The following TGIF1 variants were observed in gnomAD, a reference collection of about 807,000 sequenced individuals.
TGIF1 encodes homeobox protein TGIF1.
Under a neutral mutation model 19.3 loss-of-function variants are expected in TGIF1, and 4 were observed. The ratio of observed to expected loss-of-function variants is 0.21; its 90% CI spans 0.10 to 0.47. TGIF1 has a LOEUF of 0.47. Among genes scored for constraint, TGIF1 ranks in the 20% least tolerant of loss-of-function variants. TGIF1 has a pLI of 0.98. For missense variants in TGIF1, 275 were observed against 341.4 expected, an observed-to-expected ratio of 0.81 and a Z score of 1.53; for synonymous variants, 122 against 129.3, an observed-to-expected ratio of 0.94 and a Z score of 0.38.
chr18:3,445,723 CAAAAAAA>C (rs141550400), upstream of TGIF1, among the ~76,000 whole-genome samples: 17 of 17,692 alleles, frequency 9.6e-4, no homozygotes, highest in Admixed American at 1.4e-3. Flanking sequence ...GACTCTGTCT[CAAAAAAA>C]AAAAAAAAAA....
At chr18:3,413,129 C>T (rs1163258322) in intron 1 of TGIF1, 1 of 152,114 alleles carries the variant, frequency 6.6e-6, no homozygotes, top group African/African-American at 2.4e-5. Flanking sequence ...CAAATACATC[C>T]GGATTATTAA....
At chr18:3,430,088 A>AG (rs1568033912) in intron 2 of TGIF1, among the ~76,000 whole-genome samples, 1 of 152,198 alleles carries the variant, frequency 6.6e-6, no homozygotes, top group Non-Finnish European at 1.5e-5. Context: ...ATTGGGAGGC[A>AG]GGGGTTGCAG....
Position 3,450,212 on chromosome 18 carries a change from C to A in TGIF1, c.-278C>A. The A allele has an allele frequency of 7.2e-7, 1 of 1,398,094 alleles. No homozygotes were observed. The highest frequency in any genetic ancestry group is 9.3e-7 in the Non-Finnish European group (1 of 1,078,100). The allele number at this position is 1,398,094 out of a possible 1,614,324, so 86.6% of individuals were successfully genotyped here. A position where few individuals can be genotyped will look rare whatever the true frequency, so the allele number is the denominator to read the frequency against. On this transcript the variant is annotated 5_prime_UTR_variant, in exon 1 of 3. Transcript: ENST00000343820. The stretch of plus-strand genomic sequence containing the variant: ...AGGTGCGCCGAGCAGGAGCAGGGAA[C>A]AAAGGAGCGGAGAGGGGAGGGGAGA...
In TGIF1 at chr18:3,456,157, G is replaced by C. The variant is rs1194022923; in HGVS notation, c.17-197G>C. Reference sequence around the variant, plus strand: ...GGCTGAGAAAAGGCATCTGGCATTTGGTTGAGAGCCTCCTATGTGGTGCTA... The same window carrying C: ...GGCTGAGAAAAGGCATCTGGCATTTCGTTGAGAGCCTCCTATGTGGTGCTA... On this transcript the variant is annotated intron_variant, in intron 1 of 2. Transcript: ENST00000343820. The surrounding 1 kb of genome is among the most constrained non-coding windows in gnomAD (Gnocchi z 4.2). The C allele has an allele frequency of 1.5e-6, 1 of 669,592 alleles. No individual in the cohort carries two copies. The highest frequency in any genetic ancestry group is 2.7e-6 in the Non-Finnish European group (1 of 372,502). The allele number at this position is 669,592 out of a possible 1,614,324, so 41.5% of individuals were successfully genotyped here.
Position 3,456,924 on chromosome 18 carries a change from C to T in TGIF1, c.243+344C>T. On this transcript the variant is annotated intron_variant, in intron 2 of 2. Coordinates refer to ENST00000343820, the MANE Select transcript of TGIF1 (RefSeq NM_003244.4). This position sits in a 1 kb window ranked among gnomAD's most constrained non-coding sequence, Gnocchi z 4.2. The stretch of plus-strand genomic sequence containing the variant: ...AGGTAATTCATGTTATGTCTGTTGA[C>T]ACAGTCATTTGAACTGGGAAAAATC... 1.7e-6 allele frequency: 1 copy of T among 592,544 alleles called. No homozygotes were observed. 36.7% of individuals were successfully genotyped at this position (592,544 alleles called of 1,614,324 possible). A position where few individuals can be genotyped will look rare whatever the true frequency, so the allele number is the denominator to read the frequency against.
At position 3,450,412 on chromosome 18, in the gene TGIF1, G is replaced by A. The variant is rs2082867428; in HGVS notation, c.-78G>A. ...CGGGAGAGTCGGCTGTGAAGGAGAC[G>A]TTCGCTTATCCCCTGTGTCCCCGCT... On this transcript the variant is annotated 5_prime_UTR_variant, in exon 1 of 3. Transcript: ENST00000343820. 4.5e-6 allele frequency: 7 copies of A among 1,549,958 alleles called. No individual in the cohort carries two copies. Among genetic ancestry groups the A allele is most frequent in the Non-Finnish European group, 8.7e-7 (1 of 1,146,380 alleles).
At chr18:3,414,392 C>T (rs886271795) in intron 1 of TGIF1, among the ~76,000 whole-genome samples, 3 of 152,196 alleles carry the variant, frequency 2.0e-5, no homozygotes, top group African/African-American at 7.2e-5. Context: ...CTTATTATAG[C>T]ATGTTCCAGG....
intron 2 of TGIF1, among the ~76,000 whole-genome samples, chr18:3,435,467 G>A (rs3862163): frequency 0.51 from 77,603 of 151,998 alleles, 21,336 homozygotes; most frequent in East Asian, 0.91. Context: ...CAAAGTGCTA[G>A]GATTACAGGT....
chr18:3,448,719 T>G (rs1166439354), upstream of TGIF1: 1 of 63,232 alleles, frequency 1.6e-5, no homozygotes, highest in Non-Finnish European at 2.5e-5. Context: ...GGGGGTGTCT[T>G]TTTTTTTTTT....
Position 3,451,504 on chromosome 18 carries a change from G to T in TGIF1, c.16+999G>T, listed in dbSNP as rs1378459578. On this transcript the variant is annotated intron_variant, in intron 1 of 2. Transcript: ENST00000343820. The surrounding 1 kb of genome is among the most constrained non-coding windows in gnomAD (Gnocchi z 5.4). Reference sequence around the variant, plus strand: ...TTTCTGTCGTGATTTATGTGGAGTGGTTCAAAACAGAAGTTAATCACTCGG... The same window carrying T: ...TTTCTGTCGTGATTTATGTGGAGTGTTTCAAAACAGAAGTTAATCACTCGG... 3.0e-6 allele frequency: 3 copies of T among 993,152 alleles called. No individual in the cohort carries two copies. The highest frequency in any genetic ancestry group is 2.2e-4 in the East Asian group (2 of 9,126). 61.5% of individuals were successfully genotyped at this position (993,152 alleles called of 1,614,324 possible).
chr18:3,444,657 A>C lies in TGIF1; in HGVS notation c.-44-11697A>C, dbSNP rs2082717906. On this transcript the variant is annotated intron_variant, in intron 2 of 3. Coordinates refer to the TGIF1 transcript ENST00000401449. ...TTTGTTGTTGTTGTTTTTGAGACGG[A>C]GTCTCACTCTGTCACCCAGGCTTGA... 1.3e-5 allele frequency among the ~76,000 whole-genome samples: 2 copies of C among 152,052 alleles called. 1 individual carries two copies. Among genetic ancestry groups the C allele is most frequent in the South Asian group, 4.2e-4 (2 of 4,810 alleles).
At chr18:3,426,282 C>T (rs1378659992) in intron 2 of TGIF1, among the ~76,000 whole-genome samples, 1 of 150,910 alleles carries the variant, frequency 6.6e-6, no homozygotes, top group Non-Finnish European at 1.5e-5. Context: ...GATTCTCACA[C>T]CTCAGCCTCC....
chr18:3,419,013 G>A lies in TGIF1; in HGVS notation c.-45+798G>A, dbSNP rs149956703. On this transcript the variant is annotated intron_variant, in intron 2 of 3. Transcript: ENST00000401449. Reference sequence around the variant, plus strand: ...GCCAAGGTTGCATTGAGCCGAGATCGTGCCATTACACTCCAGCTTGGGTGA... The same window carrying A: ...GCCAAGGTTGCATTGAGCCGAGATCATGCCATTACACTCCAGCTTGGGTGA... Among the ~76,000 whole-genome samples, 1,389 of 152,240 alleles carry A rather than the reference G, an allele frequency of 9.1e-3. 7 individuals carry two copies. The highest frequency in any genetic ancestry group is 0.014 in the Non-Finnish European group (982 of 68,014).
At chr18:3,445,765 CAA>C (rs755240649), upstream of TGIF1, among the ~76,000 whole-genome samples, 122 of 35,824 alleles carry the variant, frequency 3.4e-3, no homozygotes, top group African/African-American at 0.013. Flanking sequence ...AGAAGAAAAG[CAA>C]AAAAAAAAAA....
At chr18:3,425,980 C>T (rs577001015) in intron 2 of TGIF1, among the ~76,000 whole-genome samples, 2 of 151,974 alleles carry the variant, frequency 1.3e-5, no homozygotes, top group Non-Finnish European at 2.9e-5. Context: ...TGCCCCCGCC[C>T]CATATTTGGT....
intron 2 of TGIF1, among the ~76,000 whole-genome samples, chr18:3,432,623 CAT>C (rs2082563263): frequency 6.6e-6 from 1 of 152,148 alleles, no homozygotes; most frequent in Admixed American, 6.6e-5. Flanking sequence ...GAATAAAAGA[CAT>C]ATATGGGAAA....
In TGIF1 at chr18:3,456,511, T is replaced by A. The variant is rs531797910; in HGVS notation, c.174T>A (p.Arg58=). The A allele has an allele frequency of 3.0e-4, 488 of 1,614,252 alleles. 9 individuals carry two copies. The South Asian group carries it at 5.2e-3, about 17-fold the overall frequency. ...QILRDWLYEH[R]YNAYPSEQEK... is the part of the protein sequence containing the mutation. ...TTCGGGATTGGCTGTATGAGCACCG[T>A]TACAATGCCTATCCTTCAGAGCAAG... Residue 58 remains arginine (R), a synonymous_variant, in exon 2 of 3, where the codon CGT becomes CGA. Transcript: ENST00000343820. The surrounding 1 kb of genome is among the most constrained non-coding windows in gnomAD (Gnocchi z 4.2).
Position 3,456,826 on chromosome 18 carries a change from A to T in TGIF1, c.243+246A>T. 1.6e-6 allele frequency: 1 copy of T among 627,928 alleles called. No individual in the cohort carries two copies. The highest frequency in any genetic ancestry group is 2.7e-5 in the Admixed American group (1 of 36,972). 38.9% of individuals were successfully genotyped at this position (627,928 alleles called of 1,614,324 possible). Reference sequence around the variant, plus strand: ...AAGAACCTTCCTTTATGCAACAGACATTAAAAGGAGGTTAAACCTTACTCT... The same window carrying T: ...AAGAACCTTCCTTTATGCAACAGACTTTAAAAGGAGGTTAAACCTTACTCT... On this transcript the variant is annotated intron_variant, in intron 2 of 2. Transcript: ENST00000343820. This position sits in a 1 kb window ranked among gnomAD's most constrained non-coding sequence, Gnocchi z 4.2.
chr18:3,426,912 A>G (rs2082476972), intron 2 of TGIF1, among the ~76,000 whole-genome samples: 1 of 143,456 alleles, frequency 7.0e-6, no homozygotes, highest in South Asian at 2.2e-4. Context: ...AATAAGGATG[A>G]TCTCTTTTTT....
Sources: gnomAD v4.1 joint callset for allele counts (sites outside exome capture counted in the v4.1 genomes callset) on GRCh38, gnomAD v4.1.1 for gene constraint, Gnocchi (gnomAD v3.1) non-coding constraint, MANE v1.5 for transcripts, NCBI Gene and HGNC (gene_info 2026-07-23, HGNC 2026-07-21) for gene names.